Variants in DAB1 observed in about 807,000 individuals in gnomAD.
DAB1 encodes the protein disabled homolog 1.
A neutral mutation model predicts 64.6 loss-of-function variants in DAB1; 15 were observed. The ratio of observed to expected loss-of-function variants is 0.23; its 90% CI spans 0.16 to 0.36. DAB1 has a LOEUF of 0.36. Ranked by LOEUF, DAB1 falls within the 10% of genes least tolerant of loss-of-function variation. The probability of loss-of-function intolerance (pLI) is 1.00; values close to 1 mark genes in which losing one functional copy is unlikely to be tolerated. For synonymous variants in DAB1, 235 were observed against 251.9 expected, an observed-to-expected ratio of 0.93 and a Z score of 0.64; for missense variants, 596 against 706.7, an observed-to-expected ratio of 0.84 and a Z score of 1.78.
chr1:58,330,474 A>T (rs1012383474), intron 4 of DAB1, among the ~76,000 whole-genome samples: 3 of 152,242 alleles, frequency 2.0e-5, no homozygotes, highest in Admixed American at 6.5e-5. Flanking sequence ...GTACTAAATA[A>T]CATATTTTCA....
At chr1:58,010,912 GA>G (rs1242709857) in intron 5 of DAB1, among the ~76,000 whole-genome samples, 1 of 152,226 alleles carries the variant, frequency 6.6e-6, no homozygotes, top group Non-Finnish European at 1.5e-5. Flanking sequence ...ATGGGAAAAT[GA>G]AAACTATTTG....
chr1:58,480,661 C>T, intron 3 of DAB1: 1 of 210,140 alleles, frequency 4.8e-6, no homozygotes, highest in South Asian at 9.5e-5. Context: ...ACCGTATGGG[C>T]TCATTTCTCA....
At chr1:57,486,868 T>A (rs1644098518) in intron 7 of DAB1, among the ~76,000 whole-genome samples, 1 of 151,664 alleles carries the variant, frequency 6.6e-6, no homozygotes, top group Admixed American at 6.6e-5. Flanking sequence ...TCCCAGACCC[T>A]TATGTGAAGA....
chr1:57,625,467 T>C (rs1013498545), intron 7 of DAB1, among the ~76,000 whole-genome samples: 2 of 152,062 alleles, frequency 1.3e-5, no homozygotes, highest in East Asian at 3.9e-4. Flanking sequence ...GCCTCAGGGT[T>C]TTATGGGGGA....
intron 4 of DAB1, among the ~76,000 whole-genome samples, chr1:58,334,646 CATATCATATT>C (rs1663062304): frequency 2.2e-5 from 3 of 137,790 alleles, no homozygotes; most frequent in Middle Eastern, 3.8e-3. Context: ...CATATCATAT[CATATCATATT>C]ATATTATATT....
intron 3 of DAB1, among the ~76,000 whole-genome samples, chr1:58,345,204 C>T (rs1162551449): frequency 6.6e-6 from 1 of 152,204 alleles, no homozygotes; most frequent in Non-Finnish European, 1.5e-5. Context: ...CAGACCTTAG[C>T]CTACCTCAGT....
chr1:57,376,202 A>G (rs1442795014), intron 1 of DAB1, among the ~76,000 whole-genome samples: 1 of 152,144 alleles, frequency 6.6e-6, no homozygotes, highest in Non-Finnish European at 1.5e-5. Flanking sequence ...AAAACACTGC[A>G]TTTTTGAGAC....
intron 3 of DAB1, among the ~76,000 whole-genome samples, chr1:58,391,909 T>C (rs1644479082): frequency 6.6e-6 from 1 of 152,218 alleles, no homozygotes; most frequent in South Asian, 2.1e-4. Context: ...TAGTAGAAAC[T>C]GGGTAAGTAA....
intron 3 of DAB1, among the ~76,000 whole-genome samples, chr1:58,438,584 G>A (rs1644971288): frequency 6.6e-6 from 1 of 152,180 alleles, no homozygotes. Flanking sequence ...TCCTGCTTAT[G>A]TTTGCTGCTA....
chr1:57,170,605 C>T (rs923562599), intron 2 of DAB1, among the ~76,000 whole-genome samples: 2 of 152,088 alleles, frequency 1.3e-5, no homozygotes, highest in Admixed American at 1.3e-4. Context: ...AGAAGGTTTC[C>T]CAGCTAGAAG....
intron 6 of DAB1, among the ~76,000 whole-genome samples, chr1:57,784,045 G>T (rs1217189206): frequency 6.6e-6 from 1 of 152,126 alleles, no homozygotes; most frequent in Non-Finnish European, 1.5e-5. Flanking sequence ...ACTAGAAATG[G>T]TTAAGCTTAG....
rs115482501 is a variant in DAB1, at chr1:57,280,185, C to T, written c.67+10779G>A. On this transcript the variant is annotated intron_variant, in intron 2 of 14. Coordinates refer to ENST00000371236, the MANE Select transcript of DAB1 (RefSeq NM_001365792.1). ...CAGAATGAGAATACTTGTCTAAAGGCTATTTTCAAGCTTAAATGAGAAAAC... is the reference window on the plus strand; with the variant it reads ...CAGAATGAGAATACTTGTCTAAAGGTTATTTTCAAGCTTAAATGAGAAAAC... Among the ~76,000 whole-genome samples, 316 of 152,278 alleles carry T rather than the reference C, an allele frequency of 2.1e-3. 1 individual carries two copies. The highest frequency in any genetic ancestry group is 7.2e-3 in the African/African-American group (301 of 41,564).
chr1:57,790,268 G>A (rs927770791), intron 6 of DAB1, among the ~76,000 whole-genome samples: 3 of 152,150 alleles, frequency 2.0e-5, no homozygotes, highest in Admixed American at 6.5e-5. Flanking sequence ...TCTCATGATA[G>A]CGAGGGAGTT....
intron 3 of DAB1, among the ~76,000 whole-genome samples, chr1:58,445,567 G>A (rs1189861142): frequency 6.6e-6 from 1 of 152,208 alleles, no homozygotes; most frequent in Non-Finnish European, 1.5e-5. Flanking sequence ...CCTCCCATGT[G>A]AACTTACGCA....
At chr1:57,827,707 T>G (rs1250812934) in intron 1 of DAB1, among the ~76,000 whole-genome samples, 1 of 152,156 alleles carries the variant, frequency 6.6e-6, no homozygotes, top group African/African-American at 2.4e-5. Flanking sequence ...CTTCCACCTT[T>G]CGTGACTTAT....
At chr1:57,333,568 C>A (rs1187669993) in intron 1 of DAB1, among the ~76,000 whole-genome samples, 1 of 152,202 alleles carries the variant, frequency 6.6e-6, no homozygotes, top group Non-Finnish European at 1.5e-5. Context: ...GTGTAACCAA[C>A]CAATTGACAA....
chr1:58,415,583 C>T (rs930767956), intron 3 of DAB1: 5 of 158,972 alleles, frequency 3.1e-5, no homozygotes, highest in Admixed American at 6.5e-5. Context: ...ATTTCGAATA[C>T]CAAATACCCA....
intron 7 of DAB1, among the ~76,000 whole-genome samples, chr1:57,464,251 C>G (rs1686883558): frequency 6.6e-6 from 1 of 151,966 alleles, no homozygotes; most frequent in Admixed American, 6.6e-5. Flanking sequence ...TTTGTAATGC[C>G]CTCTTTCACT....
chr1:58,411,358 C>T (rs1644666645), intron 3 of DAB1, among the ~76,000 whole-genome samples: 1 of 152,146 alleles, frequency 6.6e-6, no homozygotes, highest in African/African-American at 2.4e-5. Flanking sequence ...GCTCAATTTC[C>T]TCATATGGAA....
Sources: gnomAD v4.1 joint callset for allele counts (sites outside exome capture counted in the v4.1 genomes callset) on GRCh38, gnomAD v4.1.1 for gene constraint, MANE v1.5 for transcripts, NCBI Gene and HGNC (gene_info 2026-07-23, HGNC 2026-07-21) for gene names.